The following NFAT5 variants were observed in gnomAD, a reference collection of about 807,000 sequenced individuals.
NFAT5 encodes the protein nuclear factor of activated T cells 5.
In NFAT5, 31 loss-of-function variants were observed where a neutral mutation model predicts 166.5. The ratio of observed to expected loss-of-function variants is 0.19; its 90% CI spans 0.14 to 0.25. The LOEUF (loss-of-function observed/expected upper bound fraction) is 0.25. Ranked by LOEUF, NFAT5 falls within the 10% of genes least tolerant of loss-of-function variation. NFAT5 has a pLI of 1.00. For missense variants in NFAT5, 1,449 were observed against 1,821.8 expected (o/e 0.80, Z 3.72); for synonymous variants, 612 against 639.7 (o/e 0.96, Z 0.65).
rs1016776108 is a variant in NFAT5 at position 69,702,610 on chromosome 16, C to T, written c.*6259C>T. 1 of 151,966 alleles carries T rather than the reference C, an allele frequency of 6.6e-6. No individual in the cohort carries two copies. Among genetic ancestry groups the T allele is most frequent in the African/African-American group, 2.4e-5 (1 of 41,198 alleles). The allele number at this position is 151,966 out of a possible 1,614,324, so 9.4% of individuals were successfully genotyped here. ...GTTAGAAATGTAAATTCTTTGGCCC[C>T]ATCCCAGACATACTGAGTCAGAAAC... On this transcript the variant is annotated 3_prime_UTR_variant, in exon 15 of 15. Transcript: ENST00000349945.
intron 3 of NFAT5, among the ~76,000 whole-genome samples, chr16:69,641,946 A>C (rs557671908): frequency 1.6e-4 from 25 of 152,164 alleles, no homozygotes; most frequent in African/African-American, 5.8e-4. Context: ...AAAAAATACA[A>C]AAATTAGCCA....
At chr16:69,623,867 A>G (rs995604511) in intron 2 of NFAT5, among the ~76,000 whole-genome samples, 1 of 149,986 alleles carries the variant, frequency 6.7e-6, no homozygotes, top group Non-Finnish European at 1.5e-5. Flanking sequence ...AAAAAAAAAA[A>G]AAGAAACAGA....
At position 69,703,588 on chromosome 16, in the gene NFAT5, A is replaced by C. The variant is rs2037934076; in HGVS notation, c.*7237A>C. The stretch of plus-strand genomic sequence containing the variant: ...CTCGTGAAAGAAAAATTCACATATC[A>C]GAATAAAAATAAATGTATACTCACT... On this transcript the variant is annotated 3_prime_UTR_variant, in exon 15 of 15. Transcript: ENST00000349945. The C allele has an allele frequency of 2.0e-5, 3 of 152,634 alleles. No individual in the cohort carries two copies. The South Asian group carries it at 6.2e-4, about 32-fold the overall frequency. The allele number at this position is 152,634 out of a possible 1,614,324, so 9.5% of individuals were successfully genotyped here.
At chr16:69,670,548 AC>A (rs1345253059) in intron 9 of NFAT5, among the ~76,000 whole-genome samples, 1 of 152,208 alleles carries the variant, frequency 6.6e-6, no homozygotes, top group Admixed American at 6.6e-5. Context: ...CTTTCCTGAT[AC>A]TTATTTTCTC....
intron 2 of NFAT5, among the ~76,000 whole-genome samples, chr16:69,605,051 CAATTTTT>C (rs2033332526): frequency 6.6e-6 from 1 of 152,100 alleles, no homozygotes; most frequent in South Asian, 2.1e-4. Context: ...GTTTGACTAC[CAATTTTT>C]AATTCTTTTA....
chr16:69,660,129 T>C lies in NFAT5; in HGVS notation c.1369+230T>C, dbSNP rs142670121. Among the ~76,000 whole-genome samples, 1,331 of 152,300 alleles carry C rather than the reference T, an allele frequency of 8.7e-3. 18 individuals are homozygous for C. The highest frequency in any genetic ancestry group is 0.031 in the African/African-American group (1,275 of 41,564). Reference sequence around the variant, plus strand: ...TTTGTAGTTTCCTATTATCATAATATGCTGATTTAAAAAGTAATTTGGACC... The same window carrying C: ...TTTGTAGTTTCCTATTATCATAATACGCTGATTTAAAAAGTAATTTGGACC... On this transcript the variant is annotated intron_variant, in intron 7 of 14. Coordinates refer to ENST00000349945, the MANE Select transcript of NFAT5 (RefSeq NM_138713.4).
chr16:69,569,035 T>C (rs1323728784), intron 2 of NFAT5, among the ~76,000 whole-genome samples: 1 of 152,208 alleles, frequency 6.6e-6, no homozygotes, highest in Admixed American at 6.5e-5. Context: ...AGCCAAGTAA[T>C]AGCGATGATG....
chr16:69,635,614 G>A (rs1485054932), intron 3 of NFAT5, among the ~76,000 whole-genome samples: 1 of 152,120 alleles, frequency 6.6e-6, no homozygotes, highest in Non-Finnish European at 1.5e-5. Context: ...GGCTAGGGAG[G>A]CCTCAGAATC....
chr16:69,699,683 A>G lies in NFAT5; in HGVS notation c.*3332A>G, dbSNP rs1212618792. 4 of 152,674 alleles carry G rather than the reference A, an allele frequency of 2.6e-5. No individual in the cohort carries two copies. Among genetic ancestry groups the G allele is most frequent in the Non-Finnish European group, 4.4e-5 (3 of 68,040 alleles). 9.5% of individuals were successfully genotyped at this position (152,674 alleles called of 1,614,324 possible). Reference sequence around the variant, plus strand: ...CAGTGAGCCAGCAAAGGCCATAGAAACAACAATTTATTAAATGTATTTATG... The same window carrying G: ...CAGTGAGCCAGCAAAGGCCATAGAAGCAACAATTTATTAAATGTATTTATG... On this transcript the variant is annotated 3_prime_UTR_variant, in exon 15 of 15. Coordinates refer to ENST00000349945, the MANE Select transcript of NFAT5 (RefSeq NM_138713.4).
chr16:69,599,217 T>TG, intron 2 of NFAT5, among the ~76,000 whole-genome samples: 1 of 101,924 alleles, frequency 9.8e-6, no homozygotes, highest in African/African-American at 5.4e-5. Flanking sequence ...GGGCCTATAC[T>TG]AAAAACACTG....
At chr16:69,597,362 G>A (rs2032855648) in intron 2 of NFAT5, among the ~76,000 whole-genome samples, 1 of 152,098 alleles carries the variant, frequency 6.6e-6, no homozygotes, top group Admixed American at 6.6e-5. Context: ...ATTTTATACA[G>A]TTATTTTACA....
intron 2 of NFAT5, among the ~76,000 whole-genome samples, chr16:69,573,458 T>G (rs1324624172): frequency 6.6e-6 from 1 of 152,214 alleles, no homozygotes; most frequent in Non-Finnish European, 1.5e-5. Context: ...TTGAAAACAT[T>G]TAACATGAAA....
At chr16:69,568,346 A>ATG (rs1555515541) in intron 1 of NFAT5, 149 bp from the exon 2 acceptor site, 13,609 of 179,574 alleles carry the variant, frequency 0.076, 561 homozygotes, top group Non-Finnish European at 0.097. Context: ...ATATATATAT[A>ATG]TGTGTGTGTG....
At chr16:69,609,838 A>T (rs982048698) in intron 2 of NFAT5, among the ~76,000 whole-genome samples, 2 of 151,374 alleles carry the variant, frequency 1.3e-5, no homozygotes, top group African/African-American at 2.4e-5. Context: ...AAAAAAAAAA[A>T]AAAGAAAAAA....
Position 69,704,588 on chromosome 16 carries a change from A to C in NFAT5, c.*8237A>C, listed in dbSNP as rs1391048341. ...AAAGATATTTTGCTTCTATTGGAAC[A>C]TTTGTATACTCGCAACTATATTTCT... is the stretch of plus-strand genomic sequence containing the variant. On this transcript the variant is annotated 3_prime_UTR_variant, in exon 15 of 15. Transcript: ENST00000349945. 1 of 152,672 alleles carries C rather than the reference A, an allele frequency of 6.5e-6. No homozygotes were observed. Among genetic ancestry groups the C allele is most frequent in the African/African-American group, 2.4e-5 (1 of 41,468 alleles). 9.5% of individuals were successfully genotyped at this position (152,672 alleles called of 1,614,324 possible). A position where few individuals can be genotyped will look rare whatever the true frequency, so the allele number is the denominator to read the frequency against.
chr16:69,571,129 T>TAAAAAAAA lies in NFAT5; in HGVS notation c.127+2602_127+2609dup, dbSNP rs56221116. ...TAACATGGTGAAACCCCATCTCTAC[T>TAAAAAAAA]AAAAAAAAAAAAAAAAAAAAAAAAA... On this transcript the variant is annotated intron_variant, in intron 2 of 14. Coordinates refer to ENST00000349945, the MANE Select transcript of NFAT5 (RefSeq NM_138713.4). 5.1e-3 allele frequency among the ~76,000 whole-genome samples: 160 copies of TAAAAAAAA among 31,364 alleles called. 29 individuals are homozygous for TAAAAAAAA. Among genetic ancestry groups the TAAAAAAAA allele is most frequent in the East Asian group, 0.013 (9 of 694 alleles). The allele number at this position is 31,364 out of a possible 152,430, so 20.6% of individuals were successfully genotyped here. A position where few individuals can be genotyped will look rare whatever the true frequency, so the allele number is the denominator to read the frequency against.
chr16:69,589,862 TAA>T (rs2032350699), intron 2 of NFAT5, among the ~76,000 whole-genome samples: 1 of 152,148 alleles, frequency 6.6e-6, no homozygotes, highest in South Asian at 2.1e-4. Flanking sequence ...CCCACGCATC[TAA>T]AAAGTTCTTA....
intron 2 of NFAT5, among the ~76,000 whole-genome samples, chr16:69,615,617 G>T (rs886908444): frequency 6.6e-6 from 1 of 152,056 alleles, no homozygotes; most frequent in African/African-American, 2.4e-5. Flanking sequence ...TGTACATATT[G>T]ACTGATGAGT....
At chr16:69,655,842 G>T (rs753781357) in intron 6 of NFAT5, 43 bp downstream of exon 6, 1 of 1,450,218 alleles carries the variant, frequency 6.9e-7, no homozygotes, top group Non-Finnish European at 9.4e-7. Flanking sequence ...TTACACTCTT[G>T]TGTTAGGCAG....
Sources: allele counts gnomAD v4.1 joint callset (sites outside exome capture counted in the v4.1 genomes callset), GRCh38; gene constraint gnomAD v4.1.1; transcripts MANE v1.5; gene names NCBI Gene and HGNC (gene_info 2026-07-23, HGNC 2026-07-21).